The following RBFOX1 variants were observed in gnomAD, a reference collection of about 807,000 sequenced individuals.
RBFOX1 encodes the protein RNA binding protein fox-1 homolog 1.
Under a neutral mutation model 57.7 loss-of-function variants are expected in RBFOX1, and 8 were observed. The ratio of observed to expected loss-of-function variants is 0.14; its 90% CI spans 0.08 to 0.25. The LOEUF (loss-of-function observed/expected upper bound fraction) is 0.25, where lower values mean the gene tolerates loss of function less well. RBFOX1 is among the 10% of genes least tolerant of loss of function. The pLI is 1.00. For synonymous variants in RBFOX1, 326 were observed against 222.4 expected (o/e 1.47, Z -4.15); for missense variants, 611 against 548.5 (o/e 1.11, Z -1.14).
intron 4 of RBFOX1, among the ~76,000 whole-genome samples, chr16:5,891,158 T>G (rs2058036733): frequency 6.6e-6 from 1 of 152,036 alleles, no homozygotes; most frequent in Non-Finnish European, 1.5e-5. Flanking sequence ...TCCTTAGGAT[T>G]TTTTCTTTGC....
chr16:6,534,190 T>C (rs2096703913), intron 2 of RBFOX1, among the ~76,000 whole-genome samples: 1 of 152,182 alleles, frequency 6.6e-6, no homozygotes, highest in Non-Finnish European at 1.5e-5. Flanking sequence ...GTAAGTTGTA[T>C]AGTCACTCAA....
intron 1 of RBFOX1, among the ~76,000 whole-genome samples, chr16:5,256,716 C>T (rs1596319000): frequency 6.6e-6 from 1 of 152,214 alleles, no homozygotes; most frequent in African/African-American, 2.4e-5. Context: ...GGTTGGATCA[C>T]TTGAGGCCAG....
At chr16:6,109,083 C>G (rs193101824) in intron 1 of RBFOX1, among the ~76,000 whole-genome samples, 15 of 152,240 alleles carry the variant, frequency 9.9e-5, no homozygotes, top group Admixed American at 2.0e-4. Flanking sequence ...TTCCATTGTA[C>G]AAGAATGGGG....
intron 5 of RBFOX1, among the ~76,000 whole-genome samples, chr16:7,522,928 A>C (rs950533446): frequency 6.6e-6 from 1 of 152,222 alleles, no homozygotes; most frequent in African/African-American, 2.4e-5. Context: ...CATTACTGCT[A>C]TCCAGATAAT....
At chr16:6,157,043 C>T (rs1464010355) in intron 1 of RBFOX1, among the ~76,000 whole-genome samples, 1 of 151,956 alleles carries the variant, frequency 6.6e-6, no homozygotes, top group Admixed American at 6.6e-5. Flanking sequence ...GCTATGTTGC[C>T]TAGGCTGCTC....
chr16:6,084,847 T>G (rs1360157167), intron 1 of RBFOX1, among the ~76,000 whole-genome samples: 1 of 152,134 alleles, frequency 6.6e-6, no homozygotes, highest in African/African-American at 2.4e-5. Flanking sequence ...ATTAAGTAAT[T>G]TTGACCTTGA....
chr16:6,384,325 A>C (rs1479604105), intron 2 of RBFOX1, among the ~76,000 whole-genome samples: 2 of 152,174 alleles, frequency 1.3e-5, no homozygotes, highest in Non-Finnish European at 2.9e-5. Flanking sequence ...GAGGAAGATA[A>C]AAATAATATA....
chr16:6,804,306 C>T (rs754806992), intron 3 of RBFOX1, among the ~76,000 whole-genome samples: 1 of 152,020 alleles, frequency 6.6e-6, no homozygotes, highest in African/African-American at 2.4e-5. Flanking sequence ...CCCAGCCCTG[C>T]CAATACATAC....
chr16:6,534,187 G>A (rs778299818), intron 2 of RBFOX1, among the ~76,000 whole-genome samples: 11 of 152,130 alleles, frequency 7.2e-5, no homozygotes, highest in Non-Finnish European at 1.2e-4. Flanking sequence ...TAAGTAAGTT[G>A]TATAGTCACT....
chr16:5,324,602 A>G (rs1269278102), intron 1 of RBFOX1, among the ~76,000 whole-genome samples: 2 of 152,244 alleles, frequency 1.3e-5, no homozygotes, highest in Non-Finnish European at 1.5e-5. Context: ...TGTGGTCCAT[A>G]TATACCATGA....
At chr16:5,258,877 C>T (rs2062656284) in intron 1 of RBFOX1, among the ~76,000 whole-genome samples, 2 of 151,928 alleles carry the variant, frequency 1.3e-5, no homozygotes, top group Admixed American at 1.3e-4. Flanking sequence ...GATTGCACCA[C>T]TGCACACCAG....
chr16:5,949,003 T>C (rs2059462248), intron 4 of RBFOX1, among the ~76,000 whole-genome samples: 1 of 152,114 alleles, frequency 6.6e-6, no homozygotes, highest in African/African-American at 2.4e-5. Flanking sequence ...TTTCTCTCTA[T>C]GTGTTTGTGT....
intron 2 of RBFOX1, among the ~76,000 whole-genome samples, chr16:6,531,980 G>C (rs553920504): frequency 3.0e-4 from 45 of 152,296 alleles, no homozygotes; most frequent in African/African-American, 8.7e-4. Context: ...AAAAAGCAGT[G>C]TTGGTAGCAT....
chr16:7,695,875 T>C (rs993248180), intron 14 of RBFOX1, among the ~76,000 whole-genome samples: 2 of 152,072 alleles, frequency 1.3e-5, no homozygotes, highest in Non-Finnish European at 2.9e-5. Flanking sequence ...TTGATGGATG[T>C]TATAACTGAA....
At chr16:5,655,166 G>T (rs988291299) in intron 3 of RBFOX1, among the ~76,000 whole-genome samples, 2 of 152,202 alleles carry the variant, frequency 1.3e-5, no homozygotes, top group Admixed American at 6.5e-5. Flanking sequence ...CTGGAATTTA[G>T]CCCCGACGAG....
At position 6,054,066 on chromosome 16, in the gene RBFOX1, ATTAAAT is replaced by A. The variant is rs142453298; in HGVS notation, c.-127+34080_-127+34085del. ...CCTGTTTCAAAAAAGAAAAAAAGAA[ATTAAAT>A]TTAAAGAAAGAAATAAATGGCACCC... On this transcript the variant is annotated intron_variant, in intron 1 of 15. Transcript: ENST00000550418. Among the ~76,000 whole-genome samples the A allele has an allele frequency of 1.1e-4, 16 of 152,272 alleles. No homozygotes were observed. The East Asian group carries it at 1.7e-3, about 17-fold the overall frequency.
At chr16:5,908,189 CAT>C (rs781059260) in intron 4 of RBFOX1, among the ~76,000 whole-genome samples, 1 of 90,124 alleles carries the variant, frequency 1.1e-5, no homozygotes, top group African/African-American at 4.2e-5. Context: ...CATATATACA[CAT>C]ATATACATAT....
At chr16:6,307,791 G>A (rs2079711851) in intron 1 of RBFOX1, among the ~76,000 whole-genome samples, 1 of 145,994 alleles carries the variant, frequency 6.8e-6, no homozygotes. Context: ...TATTTAGATT[G>A]TTATTTACAT....
chr16:6,209,111 C>T (rs1210397330), intron 1 of RBFOX1, among the ~76,000 whole-genome samples: 1 of 152,164 alleles, frequency 6.6e-6, no homozygotes, highest in Non-Finnish European at 1.5e-5. Context: ...GAAAGCAGGA[C>T]AAACCTGTGA....
Sources: allele counts gnomAD v4.1 joint callset (sites outside exome capture counted in the v4.1 genomes callset), GRCh38; gene constraint gnomAD v4.1.1; transcripts MANE v1.5; gene names NCBI Gene and HGNC (gene_info 2026-07-23, HGNC 2026-07-21).